Variants in RGS7BP observed in about 807,000 individuals in gnomAD.
RGS7BP encodes the protein regulator of G protein signaling 7-binding protein.
RGS7BP carries 9 observed loss-of-function variants against 31.3 expected under a neutral mutation model. The ratio of observed to expected loss-of-function variants is 0.29; its 90% confidence interval spans 0.17 to 0.50. The LOEUF (loss-of-function observed/expected upper bound fraction) is 0.50. Among genes scored for constraint, RGS7BP ranks in the 20% least tolerant of loss-of-function variants. The probability of loss-of-function intolerance (pLI) is 0.98; values close to 1 mark genes in which losing one functional copy is unlikely to be tolerated. For missense variants in RGS7BP, 274 were observed against 322.0 expected (o/e 0.85, Z 1.14); for synonymous variants, 115 against 120.1 (o/e 0.96, Z 0.28).
chr5:64,571,078 T>G (rs1742291583), intron 2 of RGS7BP, among the ~76,000 whole-genome samples: 1 of 152,114 alleles, frequency 6.6e-6, no homozygotes, highest in South Asian at 2.1e-4. Flanking sequence ...CCCAGAAAGT[T>G]CACTTATGCC....
chr5:64,536,101 C>G (rs557013487), intron 2 of RGS7BP, among the ~76,000 whole-genome samples: 1 of 152,308 alleles, frequency 6.6e-6, no homozygotes, highest in Admixed American at 6.5e-5. Flanking sequence ...ACTTTCAGAA[C>G]TGAAGTCCAG....
At chr5:64,566,600 C>A (rs1235442281) in intron 2 of RGS7BP, among the ~76,000 whole-genome samples, 2 of 152,032 alleles carry the variant, frequency 1.3e-5, no homozygotes, top group African/African-American at 4.8e-5. Context: ...CATCTTAAAT[C>A]TCCACCCAGG....
chr5:64,563,870 A>G (rs1742109214), intron 2 of RGS7BP, among the ~76,000 whole-genome samples: 1 of 152,124 alleles, frequency 6.6e-6, no homozygotes, highest in Admixed American at 6.6e-5. Context: ...ATTAACTTGG[A>G]TTTTAGGGCT....
Position 64,594,802 on chromosome 5 carries a change from G to A in RGS7BP, c.556G>A (p.Val186Ile), listed in dbSNP as rs141963656. 5.3e-5 allele frequency: 86 copies of A among 1,613,734 alleles called. No homozygotes were observed. The highest frequency in any genetic ancestry group is 2.3e-4 in the African/African-American group (17 of 74,994). The change falls in exon 4 of 6, where the codon GTA becomes ATA. Residue 186 changes from valine to isoleucine, a missense_variant. Physicochemically the swap from Val to Ile is conservative, Grantham distance 29. Coordinates refer to ENST00000334025, the MANE Select transcript of RGS7BP (RefSeq NM_001029875.3). The stretch of plus-strand genomic sequence containing the variant: ...CCTAGAAGACTCCTCATCATCCCCC[G>A]TAGATAGTCAGCAACATTCCTGGCA... ...PALEDSSSSPVDSQQHSWQVS... is the reference protein window; with the variant it reads ...PALEDSSSSPIDSQQHSWQVS...
At chr5:64,598,337 T>G in intron 4 of RGS7BP, 28 bp from the exon 5 acceptor site, 1 of 1,293,826 alleles carries the variant, frequency 7.7e-7, no homozygotes, top group Non-Finnish European at 1.1e-6. Flanking sequence ...TTACAGCTGA[T>G]TATTCTGTCT....
intron 2 of RGS7BP, among the ~76,000 whole-genome samples, chr5:64,543,400 A>G (rs1741574467): frequency 6.6e-6 from 1 of 152,274 alleles, no homozygotes; most frequent in South Asian, 2.1e-4. Context: ...TGTTGAAACT[A>G]AATATGGGAA....
In RGS7BP at chr5:64,522,670, T is replaced by C. The variant is rs1169136758; in HGVS notation, c.332+14793T>C. On this transcript the variant is annotated intron_variant, in intron 2 of 5. Coordinates refer to ENST00000334025, the MANE Select transcript of RGS7BP (RefSeq NM_001029875.3). ...TAAAACAAGCCATATCAACTGTTTC[T>C]ATATTCATAGATTCAATCTTTTGTT... is the stretch of plus-strand genomic sequence containing the variant. Among the ~76,000 whole-genome samples, 8 of 152,254 alleles carry C rather than the reference T, an allele frequency of 5.3e-5. No individual in the cohort carries two copies. In the South Asian group the frequency reaches 1.0e-3, roughly 20 times the overall value.
intron 2 of RGS7BP, among the ~76,000 whole-genome samples, chr5:64,521,090 C>T (rs1184547312): frequency 6.6e-6 from 1 of 152,164 alleles, no homozygotes; most frequent in Non-Finnish European, 1.5e-5. Flanking sequence ...TAGTTTCCAG[C>T]CAAAATGACT....
At chr5:64,574,143 C>T (rs1031677464) in intron 2 of RGS7BP, among the ~76,000 whole-genome samples, 5 of 152,130 alleles carry the variant, frequency 3.3e-5, no homozygotes, top group South Asian at 4.1e-4. Context: ...AGATAATATA[C>T]AAGGATCAAT....
In RGS7BP at chr5:64,607,387, G is replaced by A. The variant is rs541298550; in HGVS notation, c.683-1774G>A. On this transcript the variant is annotated intron_variant, in intron 5 of 5. Coordinates refer to ENST00000334025, the MANE Select transcript of RGS7BP (RefSeq NM_001029875.3). ...GCCCAAGGTGGTCAGGCTACAACTT[G>A]GTTTTATACGTGTAGGAAGACATAA... Among the ~76,000 whole-genome samples the A allele has an allele frequency of 1.6e-3, 241 of 152,134 alleles. 1 individual carries two copies. The highest frequency in any genetic ancestry group is 5.4e-3 in the African/African-American group (226 of 41,540).
At chr5:64,535,834 G>T in intron 2 of RGS7BP, among the ~76,000 whole-genome samples, 1 of 152,200 alleles carries the variant, frequency 6.6e-6, no homozygotes. Flanking sequence ...TATTGTCAAA[G>T]GAGCAGCTTA....
chr5:64,543,320 G>C (rs1002682056), intron 2 of RGS7BP, among the ~76,000 whole-genome samples: 1 of 152,246 alleles, frequency 6.6e-6, no homozygotes, highest in Non-Finnish European at 1.5e-5. Flanking sequence ...TTAGTTGCAA[G>C]TGACAGAAAC....
At chr5:64,589,945 C>T (rs558374001) in intron 3 of RGS7BP, among the ~76,000 whole-genome samples, 117 of 146,710 alleles carry the variant, frequency 8.0e-4, no homozygotes, top group African/African-American at 2.8e-3. Context: ...AAAAAAGACA[C>T]AACAAGTAAA....
rs139553727 is a variant in RGS7BP at position 64,592,431 on chromosome 5, C to T, written c.464-2279C>T. ...TTGAAATCTTTAAAATGATGTTTTA[C>T]TTTGAAAAAGTTATGGAAGGGCATT... On this transcript the variant is annotated intron_variant, in intron 3 of 5. Coordinates refer to ENST00000334025, the MANE Select transcript of RGS7BP (RefSeq NM_001029875.3). Among the ~76,000 whole-genome samples, 1,114 of 152,216 alleles carry T rather than the reference C, an allele frequency of 7.3e-3. 9 individuals are homozygous for T. The highest frequency in any genetic ancestry group is 0.011 in the Non-Finnish European group (725 of 67,988).
chr5:64,580,527 A>G (rs931721913), intron 3 of RGS7BP, among the ~76,000 whole-genome samples: 7 of 152,056 alleles, frequency 4.6e-5, no homozygotes, highest in African/African-American at 1.7e-4. Flanking sequence ...GAAAGCATGG[A>G]TCAAGAAATT....
intron 2 of RGS7BP, among the ~76,000 whole-genome samples, chr5:64,512,053 G>A (rs1006856134): frequency 2.0e-5 from 3 of 152,192 alleles, no homozygotes; most frequent in South Asian, 2.1e-4. Flanking sequence ...CAAGGTAGGA[G>A]TGGCCCCAGG....
intron 2 of RGS7BP, among the ~76,000 whole-genome samples, chr5:64,541,569 C>G (rs1191787367): frequency 1.3e-5 from 2 of 152,160 alleles, no homozygotes; most frequent in Admixed American, 6.5e-5. Context: ...CTGGTCATCA[C>G]CATAGGGTAT....
chr5:64,523,455 C>A (rs1749159561), intron 2 of RGS7BP, among the ~76,000 whole-genome samples: 1 of 152,162 alleles, frequency 6.6e-6, no homozygotes, highest in Admixed American at 6.5e-5. Context: ...TGGCTCTCAG[C>A]CATTAGTGTC....
chr5:64,599,144 C>T (rs1359546096), intron 5 of RGS7BP, among the ~76,000 whole-genome samples: 1 of 152,142 alleles, frequency 6.6e-6, no homozygotes, highest in Admixed American at 6.6e-5. Flanking sequence ...AGAATAACAC[C>T]TGTCACAATC....
Sources: gnomAD v4.1 joint callset for allele counts (sites outside exome capture counted in the v4.1 genomes callset) on GRCh38, gnomAD v4.1.1 for gene constraint, MANE v1.5 for transcripts, NCBI Gene and HGNC (gene_info 2026-07-23, HGNC 2026-07-21) for gene names.